SEMA4F: variants seen among roughly 807,000 people sequenced by gnomAD.
The protein encoded by SEMA4F is ssemaphorin 4F, also known as semaphorin-4F.
Under a neutral mutation model 78.4 loss-of-function variants are expected in SEMA4F, and 51 were observed. The observed-to-expected ratio is 0.65, with a 90% CI of 0.52 to 0.82. The LOEUF is 0.82. Ranked by LOEUF, SEMA4F falls within the 40% of genes least tolerant of loss-of-function variation. SEMA4F has a pLI of 0.00. For synonymous variants in SEMA4F, 418 were observed against 408.7 expected (o/e 1.02, Z -0.27); for missense variants, 938 against 1,014.4 (o/e 0.92, Z 1.02).
At chr2:74,686,225 G>A (rs1035755936), downstream of SEMA4F, among the ~76,000 whole-genome samples, 1 of 151,660 alleles carries the variant, frequency 6.6e-6, no homozygotes, top group African/African-American at 2.4e-5. Flanking sequence ...TTAGCCTCCC[G>A]AGTAGCTGGG....
chr2:74,702,354 A>G, the SEMA4F span, among the ~76,000 whole-genome samples: 1 of 151,996 alleles, frequency 6.6e-6, no homozygotes, highest in Non-Finnish European at 1.5e-5. Context: ...CATTCAGTTC[A>G]TGTTTATGAT....
At chr2:74,674,806 C>T (rs1038323753) in intron 8 of SEMA4F, 82 bp from the exon 9 acceptor site, 82 of 1,560,710 alleles carry the variant, frequency 5.3e-5, no homozygotes, top group Non-Finnish European at 6.4e-5. Context: ...GTGCGTTTCT[C>T]GGGGGTCATC....
At chr2:74,669,384 G>T (rs1684859738) in intron 5 of SEMA4F, among the ~76,000 whole-genome samples, 1 of 151,932 alleles carries the variant, frequency 6.6e-6, no homozygotes, top group Non-Finnish European at 1.5e-5. Flanking sequence ...AGGAGTTTGA[G>T]ACCAGCCTGG....
chr2:74,667,211 T>G (rs1429448951), intron 5 of SEMA4F, among the ~76,000 whole-genome samples: 1 of 152,238 alleles, frequency 6.6e-6, no homozygotes, highest in Non-Finnish European at 1.5e-5. Flanking sequence ...AATTATACAT[T>G]CAAATTTTAA....
chr2:74,686,326 C>T (rs561451326), downstream of SEMA4F, among the ~76,000 whole-genome samples: 9 of 152,286 alleles, frequency 5.9e-5, 1 homozygote, highest in South Asian at 1.9e-3. Flanking sequence ...GTCTCAATCT[C>T]CTGACCTCGT....
intron 8 of SEMA4F, 50 bp from the exon 9 acceptor site, chr2:74,674,838 G>C: frequency 6.3e-7 from 1 of 1,593,984 alleles, no homozygotes; most frequent in South Asian, 1.1e-5. Flanking sequence ...GGGATGAGTT[G>C]CTATCCCCCA....
chr2:74,662,238 C>T (rs941040673), intron 4 of SEMA4F, among the ~76,000 whole-genome samples: 5 of 152,132 alleles, frequency 3.3e-5, no homozygotes, highest in African/African-American at 9.7e-5. Context: ...AGGAGGATGG[C>T]CCTTGTCTCT....
chr2:74,656,478 G>A (rs1281220077), intron 1 of SEMA4F, 56 bp from the exon 2 acceptor site: 2 of 1,574,924 alleles, frequency 1.3e-6, no homozygotes, highest in Non-Finnish European at 1.7e-6. Context: ...TTTTGCTCTT[G>A]TGGACTTGAC....
the SEMA4F span, among the ~76,000 whole-genome samples, chr2:74,703,715 A>G: frequency 0.28 from 43,269 of 152,208 alleles, 9,105 homozygotes; most frequent in East Asian, 0.82. Flanking sequence ...TCAGGCTTTG[A>G]ACTCAGTAGG....
Position 74,679,600 on chromosome 2 carries a change from A to AC in SEMA4F, c.1705dup (p.Arg569ProfsTer6). 6.3e-7 allele frequency: 1 copy of AC among 1,590,696 alleles called. No individual in the cohort carries two copies. The highest frequency in any genetic ancestry group is 8.6e-7 in the Non-Finnish European group (1 of 1,165,648). On this transcript the variant is annotated frameshift_variant and splice_region_variant, in exon 14 of 14. Coordinates refer to ENST00000357877, the MANE Select transcript of SEMA4F (RefSeq NM_004263.5). LOFTEE classifies it high-confidence loss of function. ...TTGTGCCTTTGCTGTTTCTCACAGA[A>AC]CGTCCAGTAGTGTTTGAAGTTCCCG...
Position 74,675,229 on chromosome 2 carries a change from C to G in SEMA4F, c.1217C>G (p.Thr406Ser), listed in dbSNP as rs1032675280. 1.2e-6 allele frequency: 2 copies of G among 1,614,224 alleles called. No homozygotes were observed. Among genetic ancestry groups the G allele is most frequent in the Non-Finnish European group, 1.7e-6 (2 of 1,180,046 alleles). ...CTCTCCCTGCCTGACCGCGTACTCA[C>G]CTTCATCCGGGACCACCCACTCATG... ...SSLSLPDRVLTFIRDHPLMDR... is the reference protein window; with the variant it reads ...SSLSLPDRVLSFIRDHPLMDR... The change falls in exon 10 of 14, where the codon ACC (threonine) becomes AGC (serine). Residue 406 changes from threonine to serine, a missense_variant. Transcript: ENST00000357877.
At chr2:74,657,676 G>T (rs1474477217) in intron 3 of SEMA4F, 52 bp downstream of exon 3, 3 of 1,571,814 alleles carry the variant, frequency 1.9e-6, no homozygotes, top group Non-Finnish European at 1.8e-6. Flanking sequence ...CCTTGGCCCA[G>T]CCCTGACTCT....
At chr2:74,667,803 C>T (rs1341037291) in intron 5 of SEMA4F, among the ~76,000 whole-genome samples, 1 of 152,212 alleles carries the variant, frequency 6.6e-6, no homozygotes, top group Non-Finnish European at 1.5e-5. Context: ...TAGGCTTCTA[C>T]CTAAGAGCCT....
At chr2:74,662,661 AC>A (rs1316322621) in intron 4 of SEMA4F, 70 bp from the exon 5 acceptor site, 10 of 1,247,748 alleles carry the variant, frequency 8.0e-6, no homozygotes, top group African/African-American at 3.0e-5. Context: ...CCTTCATCTG[AC>A]CATCTTTGTA....
At chr2:74,665,909 T>G (rs1312184665) in intron 5 of SEMA4F, among the ~76,000 whole-genome samples, 3 of 151,670 alleles carry the variant, frequency 2.0e-5, no homozygotes, top group Non-Finnish European at 2.9e-5. Context: ...TTTGTTTTTT[T>G]TTTTTTTTGT....
intron 12 of SEMA4F, among the ~76,000 whole-genome samples, chr2:74,676,752 G>T (rs893413777): frequency 6.6e-6 from 1 of 151,994 alleles, no homozygotes; most frequent in African/African-American, 2.4e-5. Context: ...AACCTAATTG[G>T]TCTTTTTTTG....
the SEMA4F span, among the ~76,000 whole-genome samples, chr2:74,689,946 C>T: frequency 1.3e-5 from 2 of 152,216 alleles, no homozygotes; most frequent in South Asian, 4.1e-4. Context: ...ATGACTGGTG[C>T]TTCTTTACCA....
chr2:74,688,662 A>G (rs138240181), downstream of SEMA4F, among the ~76,000 whole-genome samples: 155 of 152,348 alleles, frequency 1.0e-3, 1 homozygote, highest in Middle Eastern at 0.014. Flanking sequence ...GAATTTTAGG[A>G]AATAGGGAAC....
chr2:74,676,297 A>G (rs1309367200), intron 12 of SEMA4F, among the ~76,000 whole-genome samples: 6 of 152,040 alleles, frequency 3.9e-5, no homozygotes, highest in African/African-American at 1.4e-4. Flanking sequence ...CCATCCAACA[A>G]CTGAATGTTG....
Sources: allele counts gnomAD v4.1 joint callset (sites outside exome capture counted in the v4.1 genomes callset), GRCh38; gene constraint gnomAD v4.1.1; transcripts MANE v1.5; gene names NCBI Gene and HGNC (gene_info 2026-07-23, HGNC 2026-07-21).